CNTN4: variants seen among roughly 807,000 people sequenced by gnomAD.
The protein encoded by CNTN4 is contactin-4.
In CNTN4, 77 loss-of-function variants were observed where a neutral mutation model predicts 122.5. That is an observed-to-expected ratio of 0.63 (90% confidence interval 0.52 to 0.76). The LOEUF (loss-of-function observed/expected upper bound fraction) is 0.76, where lower values mean the gene tolerates loss of function less well. Ranked by LOEUF, CNTN4 falls within the 30% of genes least tolerant of loss-of-function variation. CNTN4 has a pLI of 0.00. For missense variants in CNTN4, 1,256 were observed against 1,259.1 expected, an observed-to-expected ratio of 1.00 and a Z score of 0.04; for synonymous variants, 512 against 447.0, an observed-to-expected ratio of 1.15 and a Z score of -1.83.
chr3:2,107,502 A>G (rs949948519), intron 2 of CNTN4, among the ~76,000 whole-genome samples: 1 of 152,146 alleles, frequency 6.6e-6, no homozygotes, highest in African/African-American at 2.4e-5. Context: ...ATCATTCACT[A>G]TCACGAAAAC....
intron 2 of CNTN4, among the ~76,000 whole-genome samples, chr3:2,148,520 G>C (rs1038336040): frequency 1.3e-5 from 2 of 151,034 alleles, no homozygotes; most frequent in African/African-American, 4.9e-5. Context: ...GTGACAGAGC[G>C]AGCCCCTGTC....
intron 3 of CNTN4, among the ~76,000 whole-genome samples, chr3:2,563,159 G>T (rs975067874): frequency 6.6e-6 from 1 of 152,080 alleles, no homozygotes; most frequent in African/African-American, 2.4e-5. Flanking sequence ...TCCCACCAAA[G>T]GTTTATGAGC....
chr3:2,284,019 T>C (rs1176718384), intron 2 of CNTN4, among the ~76,000 whole-genome samples: 1 of 151,924 alleles, frequency 6.6e-6, no homozygotes, highest in Non-Finnish European at 1.5e-5. Context: ...CCAATGCAAA[T>C]GTGGGCTAAA....
At chr3:2,991,697 C>T (rs974335555) in intron 14 of CNTN4, among the ~76,000 whole-genome samples, 21 of 152,066 alleles carry the variant, frequency 1.4e-4, no homozygotes, top group Admixed American at 9.8e-4. Flanking sequence ...CCATAAAGCA[C>T]GATATAGGCA....
intron 5 of CNTN4, among the ~76,000 whole-genome samples, chr3:2,741,667 A>T (rs542305242): frequency 2.6e-4 from 40 of 152,328 alleles, no homozygotes; most frequent in South Asian, 4.1e-4. Flanking sequence ...GCTGTTAGGT[A>T]CACACATGAT....
intron 2 of CNTN4, among the ~76,000 whole-genome samples, chr3:2,210,824 G>A (rs76393303): frequency 0.014 from 2,095 of 152,214 alleles, 46 homozygotes; most frequent in African/African-American, 0.047. Context: ...GGAAGCAAAG[G>A]CGTTTTGTTA....
At position 2,385,109 on chromosome 3, in the gene CNTN4, G is replaced by C. The variant is rs902915891; in HGVS notation, c.-89+45876G>C. Reference sequence around the variant, plus strand: ...AATAAATTACATTGCTGATATCAGAGTGACCTGTTAAAAGTATAAACATAT... The same window carrying C: ...AATAAATTACATTGCTGATATCAGACTGACCTGTTAAAAGTATAAACATAT... On this transcript the variant is annotated intron_variant, in intron 3 of 24. Transcript: ENST00000418658. This position sits in a 1 kb window ranked among gnomAD's most constrained non-coding sequence, Gnocchi z 4.0. 2.0e-5 allele frequency among the ~76,000 whole-genome samples: 3 copies of C among 152,020 alleles called. No individual in the cohort carries two copies. Among genetic ancestry groups the C allele is most frequent in the Non-Finnish European group, 2.9e-5 (2 of 68,004 alleles).
chr3:2,434,801 G>C (rs1214027553), intron 3 of CNTN4, among the ~76,000 whole-genome samples: 1 of 151,802 alleles, frequency 6.6e-6, no homozygotes, highest in East Asian at 1.9e-4. Context: ...AGGCAATATT[G>C]AATATATTTG....
intron 4 of CNTN4, among the ~76,000 whole-genome samples, chr3:2,645,939 T>C (rs2083097100): frequency 6.6e-6 from 1 of 152,238 alleles, no homozygotes; most frequent in South Asian, 2.1e-4. Context: ...ATTCTTCAAC[T>C]GTATCACTTC....
At chr3:2,496,362 G>C (rs1316847485) in intron 3 of CNTN4, among the ~76,000 whole-genome samples, 1 of 152,124 alleles carries the variant, frequency 6.6e-6, no homozygotes, top group Non-Finnish European at 1.5e-5. Context: ...ATTTTAGGGA[G>C]CTTAAAAACA....
intron 6 of CNTN4, among the ~76,000 whole-genome samples, chr3:2,794,371 G>T (rs1358143890): frequency 3.3e-5 from 5 of 152,130 alleles, no homozygotes; most frequent in Non-Finnish European, 7.4e-5. Context: ...AGACTTCTGG[G>T]AGTCTTTGAT....
At chr3:2,326,561 G>A (rs1458569950) in intron 2 of CNTN4, among the ~76,000 whole-genome samples, 1 of 151,300 alleles carries the variant, frequency 6.6e-6, no homozygotes, top group Non-Finnish European at 1.5e-5. Flanking sequence ...GGAGAACTCT[G>A]CTACAGGAGA....
chr3:2,254,464 A>G (rs1009712037), intron 2 of CNTN4, among the ~76,000 whole-genome samples: 11 of 152,200 alleles, frequency 7.2e-5, no homozygotes, highest in African/African-American at 2.4e-4. Flanking sequence ...AGGAATTGCC[A>G]CACTGTCTTC....
At chr3:2,817,625 C>T (rs1401903066) in intron 6 of CNTN4, among the ~76,000 whole-genome samples, 2 of 152,148 alleles carry the variant, frequency 1.3e-5, no homozygotes, top group South Asian at 4.1e-4. Flanking sequence ...TTTCTCATTT[C>T]TTAATACTAT....
intron 2 of CNTN4, among the ~76,000 whole-genome samples, chr3:2,244,813 C>T (rs1292906784): frequency 2.0e-5 from 3 of 151,952 alleles, no homozygotes; most frequent in Admixed American, 1.3e-4. Context: ...AGCATGGAAA[C>T]ATGTGGCGAT....
At chr3:2,891,412 A>G (rs974873355) in intron 10 of CNTN4, among the ~76,000 whole-genome samples, 4 of 152,100 alleles carry the variant, frequency 2.6e-5, no homozygotes, top group East Asian at 1.9e-4. Context: ...GTGCCACTGC[A>G]CTCCAGCCTG....
chr3:2,241,670 T>G (rs932342625), intron 2 of CNTN4, among the ~76,000 whole-genome samples: 1 of 152,214 alleles, frequency 6.6e-6, no homozygotes, highest in African/African-American at 2.4e-5. Flanking sequence ...CATTGCTTTG[T>G]GACCAAACAC....
chr3:2,905,077 T>C (rs997277689), intron 12 of CNTN4, among the ~76,000 whole-genome samples: 1 of 152,106 alleles, frequency 6.6e-6, no homozygotes, highest in Non-Finnish European at 1.5e-5. Context: ...TGCACAGCCC[T>C]CCCCTCTCTC....
chr3:2,956,334 T>G (rs2094799118), intron 13 of CNTN4, among the ~76,000 whole-genome samples: 1 of 152,040 alleles, frequency 6.6e-6, no homozygotes, highest in South Asian at 2.1e-4. Flanking sequence ...TTGCTAGAGA[T>G]GATGAAAAAG....
Sources: gnomAD v4.1 joint callset for allele counts (sites outside exome capture counted in the v4.1 genomes callset) on GRCh38, gnomAD v4.1.1 for gene constraint, Gnocchi (gnomAD v3.1) non-coding constraint, MANE v1.5 for transcripts, NCBI Gene and HGNC (gene_info 2026-07-23, HGNC 2026-07-21) for gene names.